Variants in DNASE1 observed in about 807,000 individuals in gnomAD.
DNASE1 encodes deoxyribonuclease-1.
Under a neutral mutation model 33.9 loss-of-function variants are expected in DNASE1, and 40 were observed. The ratio of observed to expected loss-of-function variants is 1.18; its 90% CI spans 0.92 to 1.54. The LOEUF (loss-of-function observed/expected upper bound fraction) is 1.54. DNASE1 is among the 40% of genes most tolerant of loss of function. The pLI is 0.00. For missense variants in DNASE1, 518 were observed against 372.6 expected, an observed-to-expected ratio of 1.39 and a Z score of -3.21; for synonymous variants, 216 against 160.0, an observed-to-expected ratio of 1.35 and a Z score of -2.64.
Position 3,654,829 on chromosome 16 carries a change from A to AG in DNASE1, c.-216dup, listed in dbSNP as rs1436819484. On this transcript the variant is annotated 5_prime_UTR_variant, in exon 1 of 9. It removes the in-frame stop codon of an upstream open reading frame in the 5' UTR. Transcript: ENST00000246949. ...TCACATTTGCCCCAGGGAAGGTCAC[A>AG]GCTGCCTGAACTTTTAAAACTCCCA... 1.2e-5 allele frequency: 5 copies of AG among 404,494 alleles called. No homozygotes were observed. The highest frequency in any genetic ancestry group is 1.0e-4 in the African/African-American group (5 of 48,664). The allele number at this position is 404,494 out of a possible 1,614,324, so 25.1% of individuals were successfully genotyped here.
downstream of DNASE1, chr16:3,659,122 G>C: frequency 4.8e-6 from 2 of 417,534 alleles, no homozygotes; most frequent in Non-Finnish European, 8.6e-6. Flanking sequence ...GGGACAAAAG[G>C]AGCTTAGTAC....
upstream of DNASE1, chr16:3,642,815 G>A (rs1173311498): frequency 6.6e-6 from 1 of 152,322 alleles, no homozygotes; most frequent in African/African-American, 2.4e-5. Context: ...TGTCCTTGTG[G>A]CCGTGCTAGT....
rs560008988 is a variant in DNASE1, at chr16:3,627,346, G to A, written c.-1358-13369G>A. 3.7e-4 allele frequency among the ~76,000 whole-genome samples: 56 copies of A among 151,506 alleles called. 1 individual carries two copies. Among genetic ancestry groups the A allele is most frequent in the African/African-American group, 1.3e-3 (52 of 41,284 alleles). ...GCTGGAGTGCAGTGGCATGATCACGGCTCACTGCAGCATTGAACTCTAGCT... is the reference window on the plus strand; with the variant it reads ...GCTGGAGTGCAGTGGCATGATCACGACTCACTGCAGCATTGAACTCTAGCT... On this transcript the variant is annotated intron_variant and NMD_transcript_variant, in intron 1 of 11. Transcript: ENST00000570769.
At chr16:3,646,407 T>C (rs1596618988) in intron 1 of DNASE1, among the ~76,000 whole-genome samples, 2 of 151,962 alleles carry the variant, frequency 1.3e-5, no homozygotes, top group East Asian at 3.9e-4. Flanking sequence ...AAGCCGGCCA[T>C]AAACGAGGGT....
At chr16:3,644,946 T>G (rs2042129956) in intron 1 of DNASE1, among the ~76,000 whole-genome samples, 1 of 151,544 alleles carries the variant, frequency 6.6e-6, no homozygotes, top group African/African-American at 2.4e-5. Context: ...CTGGGCAACA[T>G]GGCAAAACTC....
chr16:3,643,317 C>T (rs1596611612), intron 1 of DNASE1, among the ~76,000 whole-genome samples: 2 of 152,254 alleles, frequency 1.3e-5, no homozygotes, highest in African/African-American at 2.4e-5. Context: ...GGCAGAGGAG[C>T]AGAAAGTGGC....
At chr16:3,623,323 C>T (rs764272891) in intron 1 of DNASE1, among the ~76,000 whole-genome samples, 4 of 152,030 alleles carry the variant, frequency 2.6e-5, no homozygotes, top group Admixed American at 1.3e-4. Flanking sequence ...TATCTCTCAC[C>T]GCATACAAAA....
chr16:3,617,797 AAAAAG>A (rs534309071), intron 1 of DNASE1, among the ~76,000 whole-genome samples: 49 of 152,266 alleles, frequency 3.2e-4, no homozygotes, highest in Non-Finnish European at 5.7e-4. Flanking sequence ...ATTTTTTTAA[AAAAAG>A]AAAAGAGGCC....
In DNASE1 at chr16:3,657,198, G is replaced by C; in HGVS notation, c.561G>C (p.Leu187Phe). Residue 187 changes from leucine to phenylalanine, a missense_variant, in exon 7 of 9, where the codon TTG (leucine) becomes TTC (phenylalanine). Transcript: ENST00000246949. ...GCGTTTCCTGGTAGGACGTCATGTT[G>C]ATGGGCGACTTCAATGCGGGCTGCA... ...QEKWGLEDVM[L>F]MGDFNAGCSY... The C allele has an allele frequency of 1.9e-6, 3 of 1,614,082 alleles. No individual in the cohort carries two copies. The highest frequency in any genetic ancestry group is 2.5e-6 in the Non-Finnish European group (3 of 1,180,018).
At chr16:3,655,763 A>G (rs933953817) in intron 2 of DNASE1, 86 bp from the exon 3 acceptor site, 2 of 1,531,548 alleles carry the variant, frequency 1.3e-6, no homozygotes, top group South Asian at 2.2e-5. Flanking sequence ...CAATGCCACG[A>G]GCATCAGCTG....
chr16:3,656,415 CCT>C (rs2042628494), intron 4 of DNASE1, among the ~76,000 whole-genome samples: 1 of 121,828 alleles, frequency 8.2e-6, no homozygotes, highest in African/African-American at 3.5e-5. Flanking sequence ...TGAGCAGGTG[CCT>C]GGCTCCCCCG....
rs56670885 is a variant in DNASE1, at chr16:3,617,326, C to CAA, written c.-1359+5346_-1359+5347dup. On this transcript the variant is annotated intron_variant and NMD_transcript_variant, in intron 1 of 11. Coordinates refer to the DNASE1 transcript ENST00000570769. ...AGTCAACAAGAGCGAAACTCCATCT[C>CAA]AAAAAAAAAAAAAAAAAAAAAAAAA... Among the ~76,000 whole-genome samples, 188 of 57,684 alleles carry CAA rather than the reference C, an allele frequency of 3.3e-3. 26 individuals carry two copies. The highest frequency in any genetic ancestry group is 3.9e-3 in the African/African-American group (50 of 12,918). The allele number at this position is 57,684 out of a possible 152,430, so 37.8% of individuals were successfully genotyped here.
At chr16:3,632,745 C>G (rs2041738695) in intron 1 of DNASE1, among the ~76,000 whole-genome samples, 1 of 152,026 alleles carries the variant, frequency 6.6e-6, no homozygotes, top group Non-Finnish European at 1.5e-5. Flanking sequence ...GCCACCATGC[C>G]TGGGTAATTT....
intron 1 of DNASE1, among the ~76,000 whole-genome samples, chr16:3,618,250 TAA>T (rs34169414): frequency 2.2e-4 from 27 of 120,194 alleles, no homozygotes; most frequent in Non-Finnish European, 2.7e-4. Context: ...AGCCATTTCC[TAA>T]AAAAAAAAAA....
intron 1 of DNASE1, among the ~76,000 whole-genome samples, chr16:3,621,562 C>G (rs1432607464): frequency 1.3e-5 from 2 of 152,168 alleles, no homozygotes; most frequent in Admixed American, 1.3e-4. Flanking sequence ...TATATCCCTG[C>G]TTTTCCCCAA....
intron 1 of DNASE1, among the ~76,000 whole-genome samples, chr16:3,636,779 C>T (rs8048390): frequency 0.013 from 2,002 of 151,024 alleles, 38 homozygotes; most frequent in African/African-American, 0.046. Context: ...AAGATCATGC[C>T]ACAGTACTCC....
chr16:3,658,456 G>A (rs189951143), downstream of DNASE1: 178 of 585,324 alleles, frequency 3.0e-4, 1 homozygote, highest in Non-Finnish European at 4.6e-4. Context: ...GGCTGGGCAC[G>A]GTGGCTCACG....
chr16:3,655,649 T>C lies in DNASE1; in HGVS notation c.147+129T>C, dbSNP rs1377599653. 10 of 1,482,094 alleles carry C rather than the reference T, an allele frequency of 6.7e-6. No homozygotes were observed. In the Admixed American group the frequency reaches 1.8e-4, roughly 27 times the overall value. 91.8% of individuals were successfully genotyped at this position (1,482,094 alleles called of 1,614,324 possible). On this transcript the variant is annotated intron_variant, in intron 2 of 8. Transcript: ENST00000246949. The stretch of plus-strand genomic sequence containing the variant: ...CTGAGCACCACTGCTCCCAGCACGG[T>C]GGAACAGGCTCTTGGCTGTGGACCA...
In DNASE1 at chr16:3,655,628, G is replaced by C; in HGVS notation, c.147+108G>C. On this transcript the variant is annotated intron_variant, in intron 2 of 8. Coordinates refer to ENST00000246949, the MANE Select transcript of DNASE1 (RefSeq NM_005223.4). The stretch of plus-strand genomic sequence containing the variant: ...CAGGGTGTCGGGTGTGGGGTACTGA[G>C]CACCACTGCTCCCAGCACGGTGGAA... 3 of 1,540,588 alleles carry C rather than the reference G, an allele frequency of 1.9e-6. No individual in the cohort carries two copies. In the South Asian group the frequency reaches 3.4e-5, roughly 17 times the overall value.
Sources: allele counts gnomAD v4.1 joint callset (sites outside exome capture counted in the v4.1 genomes callset), GRCh38; gene constraint gnomAD v4.1.1; transcripts MANE v1.5; gene names NCBI Gene and HGNC (gene_info 2026-07-23, HGNC 2026-07-21).